KIF24: variants seen among roughly 807,000 people sequenced by gnomAD.
The protein encoded by KIF24 is kinesin-like protein KIF24.
KIF24 carries 81 observed loss-of-function variants against 118.9 expected under a neutral mutation model. The ratio of observed to expected loss-of-function variants is 0.68; its 90% CI spans 0.57 to 0.82. The LOEUF is 0.82. Among genes scored for constraint, KIF24 ranks in the 40% least tolerant of loss-of-function variants. The pLI is 0.00. For synonymous variants in KIF24, 599 were observed against 610.0 expected (o/e 0.98, Z 0.27); for missense variants, 1,560 against 1,661.6 (o/e 0.94, Z 1.06).
At chr9:34,262,963 C>T in intron 9 of KIF24, 138 bp downstream of exon 9, 1 of 656,514 alleles carries the variant, frequency 1.5e-6, no homozygotes, top group South Asian at 1.8e-5. Flanking sequence ...TGGAATTTCA[C>T]TCCTCTCCTT....
chr9:34,315,971 G>A (rs1288622912), intron 1 of KIF24, among the ~76,000 whole-genome samples: 2 of 152,156 alleles, frequency 1.3e-5, no homozygotes, highest in East Asian at 3.9e-4. Context: ...AGAGGGTGCA[G>A]TGAGCTGAGA....
At chr9:34,275,698 G>T (rs1362824319) in intron 6 of KIF24, among the ~76,000 whole-genome samples, 2 of 151,918 alleles carry the variant, frequency 1.3e-5, no homozygotes, top group East Asian at 3.9e-4. Context: ...AAACTAGCTG[G>T]GCATGGTGAT....
chr9:34,290,065 C>T (rs1168972373), intron 5 of KIF24, 109 bp downstream of exon 5: 1 of 673,454 alleles, frequency 1.5e-6, no homozygotes, highest in East Asian at 2.5e-5. Flanking sequence ...CACAAAAGGG[C>T]ACTAATGTAC....
rs766624469 is a variant in KIF24 at position 34,311,046 on chromosome 9, C to A, written c.301G>T (p.Asp101Tyr). 9.3e-6 allele frequency: 15 copies of A among 1,613,898 alleles called. No individual in the cohort carries two copies. In the Middle Eastern group the frequency reaches 4.9e-4, roughly 53 times the overall value. ...RSGPRRQLNF[D>Y]SPADNKDRNA... is the part of the protein sequence containing the mutation. The stretch of plus-strand genomic sequence containing the variant: ...CTGTCTTTATTGTCAGCAGGAGAAT[C>A]AAAATTCAGCTGTCTGCGAGGGCCA... Residue 101 changes from aspartate to tyrosine, a missense_variant, in exon 2 of 13, where the codon GAT becomes TAT. By Grantham distance (160) the Asp-to-Tyr change is radical. This residue lies in a region of KIF24 where 964 missense variants were observed against 988.0 expected (regional missense o/e 0.98). Transcript: ENST00000402558.
At chr9:34,317,131 T>C (rs1837353878) in intron 1 of KIF24, among the ~76,000 whole-genome samples, 1 of 151,666 alleles carries the variant, frequency 6.6e-6, no homozygotes, top group African/African-American at 2.4e-5. Context: ...GGCAGGAGAA[T>C]CACTTGTACC....
chr9:34,257,383 G>A lies in KIF24; in HGVS notation c.2224C>T (p.Pro742Ser). 1 of 1,614,068 alleles carries A rather than the reference G, an allele frequency of 6.2e-7. No individual in the cohort carries two copies. The highest frequency in any genetic ancestry group is 8.5e-7 in the Non-Finnish European group (1 of 1,179,902). ...CAAGCTTCAGAGGCAGGCCTAGCAG[G>A]CGTGCCCCTCTGGCTGTCTTGACTG... ...EYSQDSQRGT[P>S]ARPASEAWTN... Residue 742 changes from proline (P) to serine (S), a missense_variant, in exon 11 of 13, where the codon CCT becomes TCT. By Grantham distance (74) the Pro-to-Ser change is moderately conservative. Transcript: ENST00000402558.
intron 6 of KIF24, among the ~76,000 whole-genome samples, chr9:34,285,157 A>C (rs1185487819): frequency 1.3e-5 from 2 of 152,214 alleles, no homozygotes; most frequent in African/African-American, 2.4e-5. Context: ...CTTAATGATA[A>C]GTATGACTTT....
intron 4 of KIF24, 71 bp downstream of exon 4, chr9:34,296,946 T>G (rs540467066): frequency 2.8e-6 from 2 of 726,056 alleles, no homozygotes; most frequent in Non-Finnish European, 2.3e-6. Flanking sequence ...GCATGTGATA[T>G]TTATAAAGAA....
intron 1 of KIF24, among the ~76,000 whole-genome samples, chr9:34,321,480 T>C (rs1055034069): frequency 2.6e-5 from 4 of 151,648 alleles, no homozygotes; most frequent in African/African-American, 7.3e-5. Flanking sequence ...AGTGTACTGA[T>C]TACGCATTTG....
intron 1 of KIF24, among the ~76,000 whole-genome samples, chr9:34,311,920 T>C (rs1837183780): frequency 6.6e-6 from 1 of 152,000 alleles, no homozygotes; most frequent in Non-Finnish European, 1.5e-5. Flanking sequence ...GAAACCTTGT[T>C]CCCAACAACT....
At chr9:34,301,631 T>C (rs1836708783) in intron 3 of KIF24, among the ~76,000 whole-genome samples, 1 of 151,736 alleles carries the variant, frequency 6.6e-6, no homozygotes, top group Admixed American at 6.6e-5. Context: ...AATTCAGGAG[T>C]TTGAGACCAG....
At chr9:34,266,726 C>T (rs1835308469) in intron 8 of KIF24, among the ~76,000 whole-genome samples, 1 of 149,440 alleles carries the variant, frequency 6.7e-6, no homozygotes, top group Non-Finnish European at 1.5e-5. Flanking sequence ...GAAACCAAGA[C>T]TCATTGAAGA....
chr9:34,288,802 C>A (rs955038535), intron 5 of KIF24, among the ~76,000 whole-genome samples: 19 of 149,842 alleles, frequency 1.3e-4, no homozygotes, highest in Non-Finnish European at 5.9e-5. Context: ...TAAAGAAATG[C>A]GTTCAGAAAG....
intron 6 of KIF24, among the ~76,000 whole-genome samples, chr9:34,279,060 C>T (rs536947189): frequency 6.6e-6 from 1 of 152,238 alleles, no homozygotes; most frequent in African/African-American, 2.4e-5. Context: ...CCCGTGATTG[C>T]ACCACTGCAC....
At chr9:34,329,288 C>T (rs888359036), upstream of KIF24, among the ~76,000 whole-genome samples, 1 of 152,238 alleles carries the variant, frequency 6.6e-6, no homozygotes, top group Non-Finnish European at 1.5e-5. Context: ...GTGGCCCGCG[C>T]GTCGCCAGTC....
chr9:34,303,887 G>T (rs1836817483), intron 3 of KIF24, among the ~76,000 whole-genome samples: 1 of 152,136 alleles, frequency 6.6e-6, no homozygotes, highest in Non-Finnish European at 1.5e-5. Context: ...TAGCTTATTT[G>T]TGTGTTTGTT....
intron 2 of KIF24, among the ~76,000 whole-genome samples, chr9:34,308,971 C>T (rs1451575505): frequency 6.6e-6 from 1 of 152,036 alleles, no homozygotes; most frequent in Admixed American, 6.6e-5. Context: ...GTCCTAGCTA[C>T]TTGGGTGGCT....
chr9:34,310,698 A>G (rs1487702931), intron 2 of KIF24, 26 bp downstream of exon 2: 1 of 1,539,700 alleles, frequency 6.5e-7, no homozygotes, highest in Admixed American at 2.0e-5. Context: ...CTTTCCCTCA[A>G]AAGAAAGAAA....
At chr9:34,315,365 A>G (rs1475265929) in intron 1 of KIF24, among the ~76,000 whole-genome samples, 1 of 152,142 alleles carries the variant, frequency 6.6e-6, no homozygotes, top group African/African-American at 2.4e-5. Context: ...ACTCATAACT[A>G]TATTGCAATC....
Sources: gnomAD v4.1 joint callset for allele counts (sites outside exome capture counted in the v4.1 genomes callset) on GRCh38, gnomAD v4.1.1 for gene constraint, gnomAD v4.1.1 regional missense constraint, MANE v1.5 for transcripts, NCBI Gene and HGNC (gene_info 2026-07-23, HGNC 2026-07-21) for gene names.